MLLT10: variants seen among roughly 807,000 people sequenced by gnomAD.
The protein encoded by MLLT10 is MLLT10 histone lysine methyltransferase DOT1L cofactor.
In MLLT10, 30 loss-of-function variants were observed where a neutral mutation model predicts 129.1. The observed-to-expected ratio is 0.23, with a 90% CI of 0.17 to 0.32. The LOEUF is 0.32. MLLT10 is among the 10% of genes least tolerant of loss of function. The pLI is 1.00. For missense variants in MLLT10, 1,119 were observed against 1,268.3 expected (o/e 0.88, Z 1.79); for synonymous variants, 490 against 446.4 (o/e 1.10, Z -1.23).
Position 21,742,526 on chromosome 10 carries a change from T to TAA in MLLT10, c.*551_*552dup, listed in dbSNP as rs147561617. On this transcript the variant is annotated 3_prime_UTR_variant, in exon 23 of 23. Coordinates refer to ENST00000307729, the MANE Select transcript of MLLT10 (RefSeq NM_001195626.3). ...TCACCTGGGACTTGGCAATCTTTGT[T>TAA]AAAAAAAAATTTCCTTTCTAATGGG... 4 of 214,604 alleles carry TAA rather than the reference T, an allele frequency of 1.9e-5. No homozygotes were observed. Among genetic ancestry groups the TAA allele is most frequent in the African/African-American group, 4.5e-5 (2 of 44,254 alleles). 13.3% of individuals were successfully genotyped at this position (214,604 alleles called of 1,614,324 possible).
rs1313403904 is a variant in MLLT10 at position 21,561,251 on chromosome 10, A to T, written c.240+22339A>T. 2.0e-5 allele frequency among the ~76,000 whole-genome samples: 3 copies of T among 151,922 alleles called. No homozygotes were observed. In the South Asian group the frequency reaches 6.2e-4, roughly 31 times the overall value. ...AGTTGTTGCTCTTTTATTTATTTAT[A>T]TATTTATTTATTTGAGACGGAGCCT... is the stretch of plus-strand genomic sequence containing the variant. On this transcript the variant is annotated intron_variant, in intron 3 of 22. Coordinates refer to ENST00000307729, the MANE Select transcript of MLLT10 (RefSeq NM_001195626.3).
intron 9 of MLLT10, among the ~76,000 whole-genome samples, chr10:21,665,797 C>T (rs1051982386): frequency 1.3e-5 from 2 of 151,906 alleles, no homozygotes; most frequent in African/African-American, 2.4e-5. Context: ...GGCTTGATCT[C>T]GGCTCACGGC....
chr10:21,640,861 AGAGGTGTCCTT>A (rs1478464536), intron 8 of MLLT10, among the ~76,000 whole-genome samples: 1 of 152,222 alleles, frequency 6.6e-6, no homozygotes, highest in Non-Finnish European at 1.5e-5. Flanking sequence ...TAAGTCCAAA[AGAGGTGTCCTT>A]GATTGACAAA....
intron 14 of MLLT10, 99 bp from the exon 15 acceptor site, chr10:21,726,142 ATTC>A (rs1259899893): frequency 1.2e-5 from 9 of 781,272 alleles, no homozygotes; most frequent in Non-Finnish European, 1.8e-5. Flanking sequence ...TTTTGCTTAT[ATTC>A]TTAGGTTGGA....
At chr10:21,635,524 C>G (rs2047375144) in intron 8 of MLLT10, among the ~76,000 whole-genome samples, 1 of 151,962 alleles carries the variant, frequency 6.6e-6, no homozygotes, top group African/African-American at 2.4e-5. Context: ...TGCCATGTCA[C>G]CTGGCTAATT....
At chr10:21,589,043 A>G (rs2042259691) in intron 4 of MLLT10, among the ~76,000 whole-genome samples, 1 of 151,690 alleles carries the variant, frequency 6.6e-6, no homozygotes, top group African/African-American at 2.4e-5. Flanking sequence ...TCCCAAAGTG[A>G]TGGGACTACA....
intron 16 of MLLT10, among the ~76,000 whole-genome samples, chr10:21,729,742 G>A (rs1214680817): frequency 6.6e-6 from 1 of 152,176 alleles, no homozygotes; most frequent in Non-Finnish European, 1.5e-5. Context: ...CTAGGTTGTT[G>A]TGGAGATCAT....
chr10:21,600,838 C>T (rs1272844097), intron 5 of MLLT10, among the ~76,000 whole-genome samples: 2 of 152,166 alleles, frequency 1.3e-5, no homozygotes, highest in Non-Finnish European at 2.9e-5. Context: ...GCCCCCCTCT[C>T]CCCAACCCTA....
intron 9 of MLLT10, among the ~76,000 whole-genome samples, chr10:21,653,727 G>A (rs186251508): frequency 2.0e-5 from 3 of 152,320 alleles, no homozygotes; most frequent in African/African-American, 4.8e-5. Context: ...ATACGTTGGC[G>A]TTGAGATGTA....
At chr10:21,690,414 A>T (rs2053736701) in intron 13 of MLLT10, among the ~76,000 whole-genome samples, 2 of 152,162 alleles carry the variant, frequency 1.3e-5, no homozygotes, top group South Asian at 4.1e-4. Flanking sequence ...TAGAAATTTT[A>T]AAAATAGATT....
At chr10:21,609,665 T>C (rs754514102) in intron 5 of MLLT10, among the ~76,000 whole-genome samples, 5 of 152,214 alleles carry the variant, frequency 3.3e-5, no homozygotes, top group Non-Finnish European at 5.9e-5. Flanking sequence ...GTTCAGTTGT[T>C]GTACTTGTTT....
intron 21 of MLLT10, 138 bp downstream of exon 21, chr10:21,735,373 C>T: frequency 4.3e-6 from 3 of 694,992 alleles, no homozygotes; most frequent in Admixed American, 2.8e-5. Flanking sequence ...CCATGTGGTA[C>T]AGGCTGTGAT....
At chr10:21,588,585 A>G (rs2042216317) in intron 4 of MLLT10, among the ~76,000 whole-genome samples, 1 of 150,222 alleles carries the variant, frequency 6.7e-6, no homozygotes, top group Non-Finnish European at 1.5e-5. Flanking sequence ...TAATTTTGAT[A>G]GATAGTCCCA....
intron 3 of MLLT10, among the ~76,000 whole-genome samples, chr10:21,570,537 G>A (rs992470989): frequency 6.6e-6 from 1 of 150,762 alleles, no homozygotes; most frequent in African/African-American, 2.4e-5. Context: ...AGTATGTTTG[G>A]CCTCTTGAAA....
intron 13 of MLLT10, among the ~76,000 whole-genome samples, chr10:21,701,931 G>A (rs954721290): frequency 6.0e-5 from 9 of 149,240 alleles, no homozygotes; most frequent in Admixed American, 2.0e-4. Context: ...GTCTCGTCTC[G>A]TCTCTCTTTT....
At chr10:21,595,290 C>T (rs372669501) in intron 4 of MLLT10, 41 bp from the exon 5 acceptor site, 35 of 1,517,960 alleles carry the variant, frequency 2.3e-5, no homozygotes, top group East Asian at 6.8e-5. Flanking sequence ...AATTTGCTTT[C>T]GATAAAACTG....
chr10:21,729,489 C>T lies in MLLT10; in HGVS notation c.2064-1411C>T, dbSNP rs78755772. ...GTACTATTTGCAGAGGGATGGCCAACTGTATGTGGCCCATAATGTTTACAT... is the reference window on the plus strand; with the variant it reads ...GTACTATTTGCAGAGGGATGGCCAATTGTATGTGGCCCATAATGTTTACAT... On this transcript the variant is annotated intron_variant, in intron 16 of 22. Coordinates refer to ENST00000307729, the MANE Select transcript of MLLT10 (RefSeq NM_001195626.3). 3.8e-3 allele frequency among the ~76,000 whole-genome samples: 585 copies of T among 152,306 alleles called. 5 individuals are homozygous for T. Among genetic ancestry groups the T allele is most frequent in the African/African-American group, 0.013 (549 of 41,556 alleles).
At chr10:21,604,696 A>C (rs2043884461) in intron 5 of MLLT10, among the ~76,000 whole-genome samples, 1 of 152,172 alleles carries the variant, frequency 6.6e-6, no homozygotes, top group African/African-American at 2.4e-5. Context: ...CCATTCCAAA[A>C]GAGATAAATT....
intron 8 of MLLT10, among the ~76,000 whole-genome samples, chr10:21,621,012 T>G (rs538846413): frequency 7.5e-4 from 113 of 150,284 alleles, no homozygotes; most frequent in African/African-American, 2.5e-3. Flanking sequence ...TGAGACGGAG[T>G]CTTGCTCTGT....
Sources: allele counts gnomAD v4.1 joint callset (sites outside exome capture counted in the v4.1 genomes callset), GRCh38; gene constraint gnomAD v4.1.1; transcripts MANE v1.5; gene names NCBI Gene and HGNC (gene_info 2026-07-23, HGNC 2026-07-21).